TSPAN18: variants seen among roughly 807,000 people sequenced by gnomAD.
The protein encoded by TSPAN18 is tetraspanin-18.
A neutral mutation model predicts 27.3 loss-of-function variants in TSPAN18; 14 were observed. The observed-to-expected ratio is 0.51, with a 90% CI of 0.34 to 0.80. The LOEUF is 0.80. Among genes scored for constraint, TSPAN18 ranks in the 30% least tolerant of loss-of-function variants. TSPAN18 has a pLI of 0.01. For synonymous variants in TSPAN18, 143 were observed against 136.5 expected, an observed-to-expected ratio of 1.05 and a Z score of -0.33; for missense variants, 268 against 323.9, an observed-to-expected ratio of 0.83 and a Z score of 1.32.
intron 3 of TSPAN18, among the ~76,000 whole-genome samples, chr11:44,862,240 C>T (rs1299411345): frequency 6.6e-6 from 1 of 152,246 alleles, no homozygotes; most frequent in Non-Finnish European, 1.5e-5. Context: ...CTGCTGCCCT[C>T]CGCCGCGGCA....
chr11:44,917,980 G>A lies in TSPAN18; in HGVS notation c.267G>A (p.Leu89=), dbSNP rs1859976224. The change falls in exon 6 of 10, where the codon CTG becomes CTA. Residue 89 remains leucine, a synonymous_variant. Transcript: ENST00000520358. ...ENKCLLLFFF[L]FILIIFLAEL... Reference sequence around the variant, plus strand: ...TGTTCCTCTCCCTGCAGTTCTTCCTGTTCATCCTGATCATCTTCCTGGCAG... The same window carrying A: ...TGTTCCTCTCCCTGCAGTTCTTCCTATTCATCCTGATCATCTTCCTGGCAG... 1.2e-6 allele frequency: 2 copies of A among 1,613,998 alleles called. No individual in the cohort carries two copies. Among genetic ancestry groups the A allele is most frequent in the African/African-American group, 1.3e-5 (1 of 74,934 alleles).
At chr11:44,883,486 A>G (rs1287781507) in intron 3 of TSPAN18, among the ~76,000 whole-genome samples, 2 of 152,192 alleles carry the variant, frequency 1.3e-5, no homozygotes, top group African/African-American at 2.4e-5. Context: ...AACATTCACA[A>G]TGACCTGTGA....
chr11:44,846,556 C>G (rs1448106220), intron 2 of TSPAN18, among the ~76,000 whole-genome samples: 1 of 151,702 alleles, frequency 6.6e-6, no homozygotes, highest in Admixed American at 6.6e-5. Context: ...TTAACAGAAA[C>G]AGTCTGCTCT....
At chr11:44,822,948 G>T (rs1242782266) in intron 2 of TSPAN18, among the ~76,000 whole-genome samples, 2 of 152,162 alleles carry the variant, frequency 1.3e-5, no homozygotes, top group African/African-American at 4.8e-5. Context: ...CATTGGGCAG[G>T]TTTCTTAGAC....
intron 2 of TSPAN18, among the ~76,000 whole-genome samples, chr11:44,778,597 G>A (rs1469737598): frequency 6.6e-6 from 1 of 152,192 alleles, no homozygotes; most frequent in Non-Finnish European, 1.5e-5. Context: ...TGTAAAATGG[G>A]GAGAGGGATG....
At chr11:44,874,318 A>G (rs1053090852) in intron 3 of TSPAN18, among the ~76,000 whole-genome samples, 17 of 152,176 alleles carry the variant, frequency 1.1e-4, no homozygotes, top group African/African-American at 4.1e-4. Flanking sequence ...TGGAGGGCCC[A>G]TCTGGCCCCA....
At chr11:44,896,829 T>C (rs1373935308) in intron 3 of TSPAN18, among the ~76,000 whole-genome samples, 1 of 152,120 alleles carries the variant, frequency 6.6e-6, no homozygotes, top group Non-Finnish European at 1.5e-5. Context: ...GTGCCCATGC[T>C]TATTTGCACC....
At chr11:44,865,916 C>T (rs1416333252) in intron 3 of TSPAN18, among the ~76,000 whole-genome samples, 1 of 152,252 alleles carries the variant, frequency 6.6e-6, no homozygotes, top group Non-Finnish European at 1.5e-5. Context: ...TCTCAGAGTC[C>T]TGGGGATGGG....
intron 1 of TSPAN18, among the ~76,000 whole-genome samples, chr11:44,735,600 G>C (rs1048210061): frequency 1.1e-4 from 17 of 151,734 alleles, no homozygotes; most frequent in Non-Finnish European, 8.8e-5. Context: ...GTTGGATTAG[G>C]GTCCACCCTA....
chr11:44,743,145 TC>T (rs75791819), intron 1 of TSPAN18, among the ~76,000 whole-genome samples: 6,038 of 152,048 alleles, frequency 0.04, 301 homozygotes, highest in African/African-American at 0.11. Flanking sequence ...AAGCAGCACT[TC>T]CCCCTAAAAA....
At chr11:44,918,693 T>C (rs1467093581) in intron 6 of TSPAN18, among the ~76,000 whole-genome samples, 1 of 151,978 alleles carries the variant, frequency 6.6e-6, no homozygotes, top group Non-Finnish European at 1.5e-5. Flanking sequence ...GGTGCCCAGA[T>C]GGTCTCCTCT....
At chr11:44,891,007 C>T (rs181385924) in intron 3 of TSPAN18, among the ~76,000 whole-genome samples, 78 of 152,078 alleles carry the variant, frequency 5.1e-4, no homozygotes, top group Non-Finnish European at 8.4e-4. Context: ...CCTGTCTCTA[C>T]AAAAAGGGAA....
intron 2 of TSPAN18, among the ~76,000 whole-genome samples, chr11:44,855,233 A>G (rs1857704693): frequency 6.6e-6 from 1 of 152,174 alleles, no homozygotes; most frequent in South Asian, 2.1e-4. Context: ...TGCAAAAGTC[A>G]TAAAATACCC....
At chr11:44,888,847 G>A (rs1468541740) in intron 3 of TSPAN18, among the ~76,000 whole-genome samples, 1 of 152,228 alleles carries the variant, frequency 6.6e-6, no homozygotes, top group African/African-American at 2.4e-5. Context: ...CACGAGGATG[G>A]TGATATAGTT....
chr11:44,742,316 CCTTT>C (rs1381391804), intron 1 of TSPAN18, among the ~76,000 whole-genome samples: 1 of 111,584 alleles, frequency 9.0e-6, no homozygotes, highest in Non-Finnish European at 1.7e-5. Context: ...TCCCTTTTTT[CCTTT>C]CTTCCTTTCT....
chr11:44,735,227 C>A (rs1474070628), intron 1 of TSPAN18, among the ~76,000 whole-genome samples: 1 of 152,242 alleles, frequency 6.6e-6, no homozygotes, highest in Non-Finnish European at 1.5e-5. Flanking sequence ...AGACACCTCA[C>A]TCACTCCTGC....
intron 4 of TSPAN18, among the ~76,000 whole-genome samples, chr11:44,908,831 A>AAAGAAAGAGAAAGAAAGAAAGAAAGAAAG (rs1590671474): frequency 1.0e-5 from 1 of 96,160 alleles, no homozygotes; most frequent in Admixed American, 1.0e-4. Flanking sequence ...AAGAAAGAAA[A>AAAGAAAGAGAAAGAAAGAAAGAAAGAAAG]AGAAAAATGG....
At chr11:44,790,004 C>G (rs1385623322) in intron 2 of TSPAN18, among the ~76,000 whole-genome samples, 1 of 152,180 alleles carries the variant, frequency 6.6e-6, no homozygotes, top group East Asian at 1.9e-4. Context: ...ATAGCTGGGT[C>G]TCTCAGGGTT....
At chr11:44,811,125 AACAC>A (rs61153202) in intron 2 of TSPAN18, among the ~76,000 whole-genome samples, 16,224 of 142,266 alleles carry the variant, frequency 0.11, 1,028 homozygotes, top group East Asian at 0.23. Flanking sequence ...CTGGAGTTTT[AACAC>A]ACACACACAC....
Sources: allele counts gnomAD v4.1 joint callset (sites outside exome capture counted in the v4.1 genomes callset), GRCh38; gene constraint gnomAD v4.1.1; transcripts MANE v1.5; gene names NCBI Gene and HGNC (gene_info 2026-07-23, HGNC 2026-07-21).